CCDC112: variants seen among roughly 807,000 people sequenced by gnomAD.
The protein encoded by CCDC112 is coiled-coil domain-containing protein 112.
A neutral mutation model predicts 66.3 loss-of-function variants in CCDC112; 40 were observed. The observed-to-expected ratio is 0.60, with a 90% CI of 0.47 to 0.79. The LOEUF is 0.79. CCDC112 is among the 30% of genes least tolerant of loss of function. CCDC112 has a pLI of 0.00. For missense variants in CCDC112, 659 were observed against 603.8 expected (o/e 1.09, Z -0.96); for synonymous variants, 214 against 197.2 (o/e 1.09, Z -0.71).
intron 6 of CCDC112, among the ~76,000 whole-genome samples, chr5:115,273,411 G>A (rs776485327): frequency 4.6e-5 from 7 of 152,118 alleles, no homozygotes; most frequent in East Asian, 1.9e-4. Flanking sequence ...TTAAAACTCC[G>A]TAGATTTAAA....
chr5:115,296,286 G>A, intron 1 of CCDC112, 141 bp downstream of exon 1: 1 of 1,328,650 alleles, frequency 7.5e-7, no homozygotes, highest in Non-Finnish European at 9.6e-7. Flanking sequence ...CCAACAAAGA[G>A]CAACGCCCAG....
At chr5:115,272,524 G>A (rs1271863473) in intron 6 of CCDC112, among the ~76,000 whole-genome samples, 1 of 152,166 alleles carries the variant, frequency 6.6e-6, no homozygotes, top group African/African-American at 2.4e-5. Flanking sequence ...TTGTTATGAA[G>A]ATTAAATGAG....
At chr5:115,281,896 T>C (rs536700014) in intron 2 of CCDC112, among the ~76,000 whole-genome samples, 85 of 152,350 alleles carry the variant, frequency 5.6e-4, no homozygotes, top group African/African-American at 1.7e-3. Context: ...ACATGTCTTC[T>C]CATACATTGT....
chr5:115,270,491 C>G (rs1418312041), intron 7 of CCDC112, among the ~76,000 whole-genome samples: 1 of 152,142 alleles, frequency 6.6e-6, no homozygotes, highest in Non-Finnish European at 1.5e-5. Context: ...TTTAAAATCA[C>G]CTTTAATTTG....
intron 3 of CCDC112, among the ~76,000 whole-genome samples, chr5:115,278,938 A>C (rs996368858): frequency 4.6e-5 from 7 of 152,280 alleles, no homozygotes; most frequent in Admixed American, 4.6e-4. Context: ...AGAAATGCTA[A>C]GCAGCTTTTT....
At chr5:115,295,023 C>G (rs187012132) in intron 1 of CCDC112, among the ~76,000 whole-genome samples, 30 of 152,164 alleles carry the variant, frequency 2.0e-4, no homozygotes, top group African/African-American at 3.9e-4. Flanking sequence ...ACTTTTGGAC[C>G]AGATGATTTT....
intron 2 of CCDC112, chr5:115,280,221 C>T (rs1392317985): frequency 6.0e-6 from 1 of 166,596 alleles, no homozygotes; most frequent in Admixed American, 6.1e-5. Context: ...AACAGCTCTC[C>T]ACTATCTAAT....
chr5:115,272,329 T>A (rs532342809), intron 6 of CCDC112, among the ~76,000 whole-genome samples: 1 of 152,368 alleles, frequency 6.6e-6, no homozygotes, highest in Admixed American at 6.5e-5. Context: ...GTGATCTTTA[T>A]CTGGTCAAAT....
intron 1 of CCDC112, among the ~76,000 whole-genome samples, chr5:115,285,988 C>T (rs1013368402): frequency 1.3e-5 from 2 of 151,904 alleles, no homozygotes; most frequent in African/African-American, 4.8e-5. Flanking sequence ...TTCAAATTTC[C>T]AGGAGCAAAA....
intron 6 of CCDC112, among the ~76,000 whole-genome samples, chr5:115,274,227 G>T (rs541676015): frequency 6.6e-6 from 1 of 152,212 alleles, no homozygotes; most frequent in East Asian, 1.9e-4. Flanking sequence ...GACATTATAA[G>T]CATCTACCCG....
At chr5:115,277,339 T>C (rs1188573658) in intron 3 of CCDC112, among the ~76,000 whole-genome samples, 2 of 152,106 alleles carry the variant, frequency 1.3e-5, no homozygotes, top group African/African-American at 4.8e-5. Flanking sequence ...TTATTGGACA[T>C]TGTTTTACAT....
intron 2 of CCDC112, among the ~76,000 whole-genome samples, chr5:115,283,131 A>G (rs1042799971): frequency 6.6e-6 from 1 of 152,068 alleles, no homozygotes; most frequent in Non-Finnish European, 1.5e-5. Flanking sequence ...GTATTTTTTC[A>G]AATTCTGAAT....
intron 2 of CCDC112, 35 bp downstream of exon 2, chr5:115,284,749 CTAG>C (rs1417627959): frequency 6.7e-7 from 1 of 1,499,336 alleles, no homozygotes; most frequent in Non-Finnish European, 9.2e-7. Flanking sequence ...TATAAAATGG[CTAG>C]TAATGTTATT....
chr5:115,295,969 G>C, intron 1 of CCDC112: 2 of 986,528 alleles, frequency 2.0e-6, no homozygotes, highest in Non-Finnish European at 2.4e-6. Flanking sequence ...CTCTGCCTCC[G>C]ACCATCCCAT....
At chr5:115,279,341 T>C (rs1749346443) in intron 3 of CCDC112, among the ~76,000 whole-genome samples, 1 of 147,540 alleles carries the variant, frequency 6.8e-6, no homozygotes, top group Non-Finnish European at 1.5e-5. Flanking sequence ...TTTAAGAAAT[T>C]TTAATAGAAT....
chr5:115,288,198 C>G (rs1749766168), intron 1 of CCDC112, among the ~76,000 whole-genome samples: 1 of 152,186 alleles, frequency 6.6e-6, no homozygotes, highest in Admixed American at 6.5e-5. Context: ...CCAGGCTGGT[C>G]TCGAACTCCT....
chr5:115,295,721 C>T lies in CCDC112; in HGVS notation c.117+706G>A, dbSNP rs558337844. Among the ~76,000 whole-genome samples, 7 of 151,948 alleles carry T rather than the reference C, an allele frequency of 4.6e-5. No homozygotes were observed. The South Asian group carries it at 1.0e-3, about 23-fold the overall frequency. ...TGGAGCTTACATTCTCATGGGGGTGCGAGGGAGGGTGAGGGGTGTGAGGAG... is the reference window on the plus strand; with the variant it reads ...TGGAGCTTACATTCTCATGGGGGTGTGAGGGAGGGTGAGGGGTGTGAGGAG... On this transcript the variant is annotated intron_variant, in intron 1 of 9. Coordinates refer to ENST00000379611, the MANE Select transcript of CCDC112 (RefSeq NM_001040440.3).
At chr5:115,286,022 T>C (rs1270063604) in intron 1 of CCDC112, among the ~76,000 whole-genome samples, 5 of 152,162 alleles carry the variant, frequency 3.3e-5, no homozygotes, top group African/African-American at 4.8e-5. Context: ...TAAATCTAAA[T>C]CTAGGAAATA....
At chr5:115,281,019 T>C (rs72813844) in intron 2 of CCDC112, among the ~76,000 whole-genome samples, 6,200 of 150,868 alleles carry the variant, frequency 0.041, 127 homozygotes, top group South Asian at 0.06. Flanking sequence ...TTGCCATACA[T>C]AGAGAATTTT....
Sources: allele counts gnomAD v4.1 joint callset (sites outside exome capture counted in the v4.1 genomes callset), GRCh38; gene constraint gnomAD v4.1.1; transcripts MANE v1.5; gene names NCBI Gene and HGNC (gene_info 2026-07-23, HGNC 2026-07-21).